AGO2: variants seen among roughly 807,000 people sequenced by gnomAD.
AGO2 encodes argonaute RISC catalytic component 2, also known as protein argonaute-2.
AGO2 carries 5 observed loss-of-function variants against 102.3 expected under a neutral mutation model. That is an observed-to-expected ratio of 0.05 (90% CI 0.03 to 0.10). The LOEUF (loss-of-function observed/expected upper bound fraction) is 0.10. AGO2 is among the 10% of genes least tolerant of loss of function. The probability of loss-of-function intolerance (pLI) is 1.00; values close to 1 mark genes in which losing one functional copy is unlikely to be tolerated. For synonymous variants in AGO2, 449 were observed against 473.1 expected (o/e 0.95, Z 0.66); for missense variants, 541 against 1,183.7 (o/e 0.46, Z 7.97).
chr8:140,576,843 C>A (rs970495257), intron 2 of AGO2, among the ~76,000 whole-genome samples: 25 of 152,150 alleles, frequency 1.6e-4, no homozygotes, highest in African/African-American at 5.8e-4. Context: ...GTGGACAAAC[C>A]CATGATGCCA....
At chr8:140,606,958 T>C (rs1414756304) in intron 1 of AGO2, among the ~76,000 whole-genome samples, 4 of 149,844 alleles carry the variant, frequency 2.7e-5, no homozygotes, top group African/African-American at 9.9e-5. Flanking sequence ...TAATAAATTC[T>C]ATAATTTAAG....
intron 10 of AGO2, 179 bp downstream of exon 10, chr8:140,555,717 G>A (rs987764884): frequency 1.1e-6 from 1 of 880,698 alleles, no homozygotes; most frequent in African/African-American, 1.7e-5. Flanking sequence ...CTTTAAAAAG[G>A]ACCAAGGAAA....
intron 16 of AGO2, among the ~76,000 whole-genome samples, chr8:140,536,217 C>T (rs542621806): frequency 6.6e-6 from 1 of 152,248 alleles, no homozygotes; most frequent in African/African-American, 2.4e-5. Flanking sequence ...ACCCCCACCC[C>T]ACAAGCCCTG....
At chr8:140,611,045 C>T (rs2074069805) in intron 1 of AGO2, among the ~76,000 whole-genome samples, 1 of 152,228 alleles carries the variant, frequency 6.6e-6, no homozygotes, top group Non-Finnish European at 1.5e-5. Flanking sequence ...AGTTAGGAGT[C>T]TTCTGACTTA....
At chr8:140,553,990 C>T (rs1034705016) in intron 10 of AGO2, among the ~76,000 whole-genome samples, 1 of 152,260 alleles carries the variant, frequency 6.6e-6, no homozygotes, top group Admixed American at 6.5e-5. Flanking sequence ...GCATGAGCCG[C>T]AGCACCCAGC....
At chr8:140,624,308 C>A (rs1384740772) in intron 1 of AGO2, among the ~76,000 whole-genome samples, 1 of 152,320 alleles carries the variant, frequency 6.6e-6, no homozygotes, top group South Asian at 2.1e-4. Context: ...CCAAGCAGGG[C>A]GAGTCCCCAT....
intron 4 of AGO2, 58 bp from the exon 5 acceptor site, chr8:140,560,568 C>T: frequency 1.5e-5 from 23 of 1,572,218 alleles, no homozygotes; most frequent in Non-Finnish European, 1.9e-5. Flanking sequence ...GAAGGAACAG[C>T]TGCCTCTGGG....
chr8:140,591,015 C>T (rs537255401), intron 1 of AGO2, among the ~76,000 whole-genome samples: 5 of 152,222 alleles, frequency 3.3e-5, no homozygotes, highest in South Asian at 4.1e-4. Flanking sequence ...TTTGCCTTCA[C>T]TCCCTTGGGC....
intron 1 of AGO2, among the ~76,000 whole-genome samples, chr8:140,593,855 C>T (rs1394015966): frequency 1.3e-5 from 2 of 152,126 alleles, no homozygotes; most frequent in Non-Finnish European, 2.9e-5. Flanking sequence ...CCAGAGCACA[C>T]AAGCCTTGCC....
chr8:140,584,538 C>T (rs192072554), intron 2 of AGO2, among the ~76,000 whole-genome samples: 53 of 152,312 alleles, frequency 3.5e-4, no homozygotes, highest in Middle Eastern at 6.8e-3. Flanking sequence ...TCAACAAGAA[C>T]GTTCACAGCA....
intron 1 of AGO2, among the ~76,000 whole-genome samples, chr8:140,608,955 C>G (rs1173314911): frequency 6.6e-6 from 1 of 152,222 alleles, no homozygotes. Flanking sequence ...AGGCCCTCCC[C>G]ACCCACTGCC....
At chr8:140,552,563 G>A (rs2073016230) in intron 10 of AGO2, among the ~76,000 whole-genome samples, 2 of 152,136 alleles carry the variant, frequency 1.3e-5, no homozygotes, top group Non-Finnish European at 2.9e-5. Context: ...AATCAGACAC[G>A]TGATAGAAAC....
In AGO2 at chr8:140,550,983, C is replaced by A. The variant is rs572404777; in HGVS notation, c.1403+320G>T. Among the ~76,000 whole-genome samples, 61 of 152,326 alleles carry A rather than the reference C, an allele frequency of 4.0e-4. No homozygotes were observed. The South Asian group carries it at 9.7e-3, about 24-fold the overall frequency. On this transcript the variant is annotated intron_variant, in intron 11 of 18. Transcript: ENST00000220592. The stretch of plus-strand genomic sequence containing the variant: ...ATTATTTTTTAAAATAACTGTAGTT[C>A]ATTGAATCCAATTCTCTCTTTTGCC...
At chr8:140,543,378 C>T (rs902364626) in intron 14 of AGO2, among the ~76,000 whole-genome samples, 1 of 152,234 alleles carries the variant, frequency 6.6e-6, no homozygotes, top group African/African-American at 2.4e-5. Context: ...CCTGGGGCAG[C>T]TCGAATGGCT....
intron 1 of AGO2, among the ~76,000 whole-genome samples, chr8:140,614,900 G>A (rs1018969900): frequency 2.6e-5 from 4 of 152,244 alleles, no homozygotes; most frequent in East Asian, 3.9e-4. Flanking sequence ...CACTCTAACC[G>A]CTCAAGTCAC....
Position 140,541,358 on chromosome 8 carries a change from C to T in AGO2, c.1840G>A (p.Val614Met), listed in dbSNP as rs1405869713. The change falls in exon 15 of 19, where the codon GTG (valine) becomes ATG (methionine). Residue 614 changes from valine (V) to methionine (M), a missense_variant and splice_region_variant. Val to Met is a conservative substitution (Grantham distance 21). Coordinates refer to ENST00000220592, the MANE Select transcript of AGO2 (RefSeq NM_012154.5). ...GDGKKPSIAAVVGSMDAHPNR... is the reference protein window; with the variant it reads ...GDGKKPSIAAMVGSMDAHPNR... ...GGGTGGGCGTCCATGCTGCCCACCA[C>T]CTGCAGGAACAGGCAGTGAGTGTGG... 2 of 1,599,166 alleles carry T rather than the reference C, an allele frequency of 1.3e-6. No individual in the cohort carries two copies.
At chr8:140,571,299 C>T (rs986596660) in intron 3 of AGO2, among the ~76,000 whole-genome samples, 4 of 152,204 alleles carry the variant, frequency 2.6e-5, no homozygotes, top group African/African-American at 9.7e-5. Flanking sequence ...CATCACTGGG[C>T]ACTGAGATTG....
At chr8:140,595,818 ATAT>A (rs1564106809) in intron 1 of AGO2, among the ~76,000 whole-genome samples, 1 of 50,040 alleles carries the variant, frequency 2.0e-5, no homozygotes, top group Admixed American at 2.3e-4. Context: ...TGTATATATT[ATAT>A]TTATATTATA....
intron 16 of AGO2, among the ~76,000 whole-genome samples, chr8:140,537,872 G>A (rs1399083684): frequency 6.6e-6 from 1 of 152,172 alleles, no homozygotes; most frequent in African/African-American, 2.4e-5. Context: ...AGGCGGGAGT[G>A]CAGTAGCAAA....
Sources: allele counts gnomAD v4.1 joint callset (sites outside exome capture counted in the v4.1 genomes callset), GRCh38; gene constraint gnomAD v4.1.1; transcripts MANE v1.5; gene names NCBI Gene and HGNC (gene_info 2026-07-23, HGNC 2026-07-21).